ADGRV1: variants seen among roughly 807,000 people sequenced by gnomAD.
ADGRV1 encodes adhesion G protein-coupled receptor V1.
Under a neutral mutation model 596.2 loss-of-function variants are expected in ADGRV1, and 359 were observed. The ratio of observed to expected loss-of-function variants is 0.60; its 90% CI spans 0.55 to 0.66. The LOEUF is 0.66. ADGRV1 is among the 30% of genes least tolerant of loss of function. ADGRV1 has a pLI of 0.00. For missense variants in ADGRV1, 7,274 were observed against 7,575.6 expected, an observed-to-expected ratio of 0.96 and a Z score of 1.48; for synonymous variants, 2,681 against 2,679.2, an observed-to-expected ratio of 1.00 and a Z score of -0.02.
rs775114322 is a variant in ADGRV1 at position 90,724,860 on chromosome 5, T to C, written c.9777T>C (p.Phe3259=). The stretch of plus-strand genomic sequence containing the variant: ...GAATGGATGTTGTGTTTTCCGTATT[T>C]CAAAGTTTTTTGGATGAATCAGCTT... ...MRGMDVVFSV[F]QSFLDESASG... is the part of the protein sequence containing the mutation. Residue 3259 remains phenylalanine (F), a synonymous_variant, in exon 46 of 90, where the codon TTT becomes TTC. Coordinates refer to ENST00000405460, the MANE Select transcript of ADGRV1 (RefSeq NM_032119.4). 4.1e-5 allele frequency: 66 copies of C among 1,613,206 alleles called. No homozygotes were observed. The highest frequency in any genetic ancestry group is 5.2e-5 in the Non-Finnish European group (61 of 1,179,526).
intron 22 of ADGRV1, 110 bp from the exon 23 acceptor site, chr5:90,673,944 G>T (rs1358539398): frequency 1.4e-6 from 1 of 702,542 alleles, no homozygotes; most frequent in Non-Finnish European, 2.4e-6. Context: ...GAAATAAGTC[G>T]TAAGTGGTAA....
chr5:90,783,365 A>T, intron 66 of ADGRV1, 40 bp downstream of exon 66: 1 of 1,322,054 alleles, frequency 7.6e-7, no homozygotes, highest in Non-Finnish European at 1.1e-6. Flanking sequence ...TATAAGACAT[A>T]AGTATTGTGT....
chr5:90,897,417 T>C (rs1046315354), intron 83 of ADGRV1, among the ~76,000 whole-genome samples: 25 of 152,156 alleles, frequency 1.6e-4, no homozygotes, highest in African/African-American at 6.0e-4. Flanking sequence ...GTTAATTATT[T>C]AGAAGAGTAA....
chr5:90,953,609 G>A (rs1777227249), intron 83 of ADGRV1, among the ~76,000 whole-genome samples: 1 of 151,976 alleles, frequency 6.6e-6, no homozygotes, highest in Admixed American at 6.6e-5. Flanking sequence ...ATTCATAAAT[G>A]TCTTGATATT....
chr5:90,923,885 G>A (rs1774140761), intron 83 of ADGRV1, among the ~76,000 whole-genome samples: 1 of 151,468 alleles, frequency 6.6e-6, no homozygotes, highest in African/African-American at 2.4e-5. Context: ...GCAGTGTTTG[G>A]TTTTTTGTTC....
At chr5:90,625,106 A>G in intron 5 of ADGRV1, 24 bp from the exon 6 acceptor site, 4 of 1,402,682 alleles carry the variant, frequency 2.9e-6, no homozygotes, top group South Asian at 2.4e-5. Flanking sequence ...GCATTTATTG[A>G]TGGCATTTTG....
chr5:90,903,205 A>G (rs1236030574), intron 83 of ADGRV1, among the ~76,000 whole-genome samples: 1 of 152,062 alleles, frequency 6.6e-6, no homozygotes, highest in African/African-American at 2.4e-5. Flanking sequence ...CTACTGCAGG[A>G]TTATGTGCTA....
At chr5:90,576,401 A>G (rs371670440) in intron 1 of ADGRV1, among the ~76,000 whole-genome samples, 1 of 152,152 alleles carries the variant, frequency 6.6e-6, no homozygotes, top group East Asian at 1.9e-4. Flanking sequence ...GCTGAGAATG[A>G]TGGTTTCCAG....
At chr5:90,839,845 C>G (rs772921726) in intron 77 of ADGRV1, among the ~76,000 whole-genome samples, 1 of 152,162 alleles carries the variant, frequency 6.6e-6, no homozygotes, top group Non-Finnish European at 1.5e-5. Flanking sequence ...AACCTGTATC[C>G]TCTGCTAGAA....
chr5:90,941,472 T>G (rs1392146743), intron 83 of ADGRV1, among the ~76,000 whole-genome samples: 1 of 152,206 alleles, frequency 6.6e-6, no homozygotes, highest in African/African-American at 2.4e-5. Flanking sequence ...TTCAAGCTCA[T>G]CATTGTCAAA....
intron 10 of ADGRV1, among the ~76,000 whole-genome samples, chr5:90,636,149 C>G (rs951380685): frequency 5.5e-5 from 8 of 144,730 alleles, no homozygotes; most frequent in African/African-American, 2.0e-4. Flanking sequence ...AGCACCCCAT[C>G]CCTCCCCTTG....
intron 87 of ADGRV1, among the ~76,000 whole-genome samples, chr5:91,112,464 A>T (rs984746858): frequency 1.3e-5 from 2 of 152,206 alleles, no homozygotes; most frequent in Admixed American, 6.5e-5. Context: ...GATCTAGCAC[A>T]CTCCAATACT....
At chr5:90,813,178 C>T (rs1295076612) in intron 74 of ADGRV1, among the ~76,000 whole-genome samples, 1 of 28,580 alleles carries the variant, frequency 3.5e-5, no homozygotes, top group Non-Finnish European at 1.1e-4. Flanking sequence ...ATTTGGCAGT[C>T]AGCATCCTCC....
At chr5:90,790,306 T>G (rs903192987) in intron 69 of ADGRV1, among the ~76,000 whole-genome samples, 1 of 152,220 alleles carries the variant, frequency 6.6e-6, no homozygotes, top group East Asian at 1.9e-4. Context: ...GATATTTGAT[T>G]AACAGATCAA....
At chr5:91,063,367 T>G (rs1787616816) in intron 85 of ADGRV1, among the ~76,000 whole-genome samples, 1 of 152,232 alleles carries the variant, frequency 6.6e-6, no homozygotes, top group Non-Finnish European at 1.5e-5. Flanking sequence ...AATATCTCGC[T>G]TTTATTATTT....
chr5:90,873,146 A>C (rs1768867083), intron 83 of ADGRV1, among the ~76,000 whole-genome samples: 1 of 152,176 alleles, frequency 6.6e-6, no homozygotes, highest in Non-Finnish European at 1.5e-5. Flanking sequence ...TATCACATCC[A>C]ATGCCAAAAG....
chr5:90,693,924 A>T lies in ADGRV1; in HGVS notation c.7168A>T (p.Ser2390Cys). Residue 2390 changes from serine to cysteine, a missense_variant, in exon 33 of 90, where the codon AGT becomes TGT. By Grantham distance (112) the Ser-to-Cys change is moderately radical. Coordinates refer to ENST00000405460, the MANE Select transcript of ADGRV1 (RefSeq NM_032119.4). ...CTTTGGTCGGCTGTTGTTGTTCTAC[A>T]GTACTTCCGACATTGATGTAGTGGC... ...GHFGRLLLFY[S>C]TSDIDVVALA... 1 of 1,586,598 alleles carries T rather than the reference A, an allele frequency of 6.3e-7. No individual in the cohort carries two copies.
chr5:91,007,716 C>T (rs1581773590), intron 85 of ADGRV1, among the ~76,000 whole-genome samples: 1 of 152,104 alleles, frequency 6.6e-6, no homozygotes, highest in East Asian at 1.9e-4. Flanking sequence ...AATTCCAGTG[C>T]ATTTTTAGGA....
chr5:90,883,212 C>G (rs536005766), intron 83 of ADGRV1, among the ~76,000 whole-genome samples: 41 of 152,182 alleles, frequency 2.7e-4, no homozygotes, highest in Admixed American at 1.3e-3. Flanking sequence ...TCTTTCATGA[C>G]AGATAATACT....
Sources: allele counts gnomAD v4.1 joint callset (sites outside exome capture counted in the v4.1 genomes callset), GRCh38; gene constraint gnomAD v4.1.1; transcripts MANE v1.5; gene names NCBI Gene and HGNC (gene_info 2026-07-23, HGNC 2026-07-21).